Variants in TIGD3 observed in about 807,000 individuals in gnomAD.
TIGD3 encodes the protein tigger transposable element derived 3, also known as tigger transposable element-derived protein 3.
TIGD3 carries 7 observed loss-of-function variants against 14.8 expected under a neutral mutation model. The ratio of observed to expected loss-of-function variants is 0.47; its 90% confidence interval spans 0.27 to 0.89. TIGD3 has a LOEUF of 0.89. Among genes scored for constraint, TIGD3 ranks in the 40% least tolerant of loss-of-function variants. The pLI is 0.13. For missense variants in TIGD3, 581 were observed against 611.0 expected (o/e 0.95, Z 0.52); for synonymous variants, 243 against 269.4 (o/e 0.90, Z 0.96).
chr11:65,356,946 A>G lies in TIGD3; in HGVS notation c.1138A>G (p.Met380Val), dbSNP rs1295341163. 5.0e-6 allele frequency: 8 copies of G among 1,614,020 alleles called. No individual in the cohort carries two copies. The South Asian group carries it at 7.7e-5, about 16-fold the overall frequency. ...CCCGTCCTCGCACAAAACCTCTGAG[A>G]TGCCACCAGTCCCCGGCGGGCTGAG... is the stretch of plus-strand genomic sequence containing the variant. ...TPPSSHKTSE[M>V]PPVPGGLSLE... Residue 380 changes from methionine (M) to valine (V), a missense_variant, in exon 2 of 2, where the codon ATG (methionine) becomes GTG (valine). Transcript: ENST00000309880. This position sits in a 1 kb window ranked among gnomAD's most constrained non-coding sequence, Gnocchi z 5.2.
At chr11:65,355,678 G>T in intron 1 of TIGD3, 115 bp from the exon 2 acceptor site, 1 of 893,338 alleles carries the variant, frequency 1.1e-6, no homozygotes, top group Non-Finnish European at 1.7e-6. Flanking sequence ...AGCGGGTCCA[G>T]TCTCACCCGG....
At position 65,356,936 on chromosome 11, in the gene TIGD3, A is replaced by T. The variant is rs760896275; in HGVS notation, c.1128A>T (p.Lys376Asn). ...GCAAAACGCCCCCGTCCTCGCACAA[A>T]ACCTCTGAGATGCCACCAGTCCCCG... ...APGKTPPSSH[K>N]TSEMPPVPGG... The change falls in exon 2 of 2, where the codon AAA becomes AAT. Residue 376 changes from lysine to asparagine, a missense_variant. By Grantham distance (94) the Lys-to-Asn change is moderately conservative (BLOSUM62 0). Coordinates refer to ENST00000309880, the MANE Select transcript of TIGD3 (RefSeq NM_145719.3). This position sits in a 1 kb window ranked among gnomAD's most constrained non-coding sequence, Gnocchi z 5.2. The T allele has an allele frequency of 6.2e-7, 1 of 1,614,108 alleles. No individual in the cohort carries two copies. Among genetic ancestry groups the T allele is most frequent in the African/African-American group, 1.3e-5 (1 of 75,062 alleles).
chr11:65,356,233 C>T lies in TIGD3; in HGVS notation c.425C>T (p.Ala142Val), dbSNP rs750159692. ...NVGFGARHVL[A>V]PSFPPEPPPP... Reference sequence around the variant, plus strand: ...GGCTTTGGGGCCCGCCATGTTCTTGCGCCTTCATTCCCCCCTGAGCCACCT... The same window carrying T: ...GGCTTTGGGGCCCGCCATGTTCTTGTGCCTTCATTCCCCCCTGAGCCACCT... The change falls in exon 2 of 2, where the codon GCG becomes GTG. Residue 142 changes from alanine (A) to valine (V), a missense_variant. Physicochemically the swap from Ala to Val is moderately conservative, Grantham distance 64. Coordinates refer to ENST00000309880, the MANE Select transcript of TIGD3 (RefSeq NM_145719.3). The surrounding 1 kb of genome is among the most constrained non-coding windows in gnomAD (Gnocchi z 5.2). The T allele has an allele frequency of 2.5e-6, 4 of 1,613,154 alleles. No homozygotes were observed. Among genetic ancestry groups the T allele is most frequent in the South Asian group, 2.2e-5 (2 of 91,092 alleles).
Position 65,357,496 on chromosome 11 carries a change from G to T in TIGD3, c.*272G>T, listed in dbSNP as rs1309134335. The T allele has an allele frequency of 9.7e-6, 4 of 413,470 alleles. No homozygotes were observed. Among genetic ancestry groups the T allele is most frequent in the South Asian group, 3.0e-5 (1 of 33,032 alleles). 25.6% of individuals were successfully genotyped at this position (413,470 alleles called of 1,614,324 possible). A position where few individuals can be genotyped will look rare whatever the true frequency, so the allele number is the denominator to read the frequency against. ...AAAGTTCTAGAGCCTTTGAAAGGGA[G>T]TTAGTCTAGAGGCAGCCACTTAGAA... On this transcript the variant is annotated 3_prime_UTR_variant, in exon 2 of 2. Transcript: ENST00000309880.
Position 65,356,298 on chromosome 11 carries a change from C to T in TIGD3, c.490C>T (p.Leu164=), listed in dbSNP as rs774580152. 7.2e-5 allele frequency: 116 copies of T among 1,612,738 alleles called. No homozygotes were observed. The highest frequency in any genetic ancestry group is 9.2e-5 in the Non-Finnish European group (109 of 1,180,046). The change falls in exon 2 of 2, where the codon CTA becomes TTA. Residue 164 remains leucine, a synonymous_variant. Coordinates refer to ENST00000309880, the MANE Select transcript of TIGD3 (RefSeq NM_145719.3). This position sits in a 1 kb window ranked among gnomAD's most constrained non-coding sequence, Gnocchi z 5.2. ...ATCCCAGGCTCAGCTGCCTCTTTCC[C>T]TAAAAGACTTCTCTCCAGAGGACGT... ...LTSQAQLPLS[L]KDFSPEDVFG...
intron 1 of TIGD3, among the ~76,000 whole-genome samples, chr11:65,355,178 C>G (rs1854830238): frequency 6.6e-6 from 1 of 152,066 alleles, no homozygotes; most frequent in Admixed American, 6.5e-5. Flanking sequence ...GCCTCCCGCC[C>G]TTTGTCGCTC....
rs143824356 is a variant in TIGD3, at chr11:65,357,079, C to G, written c.1271C>G (p.Ala424Gly). Reference sequence around the variant, plus strand: ...GACGAGAAGGGGGACAGAGAGGGTGCCTTTGAGCCCCTGCCCACCAAAGCT... The same window carrying G: ...GACGAGAAGGGGGACAGAGAGGGTGGCTTTGAGCCCCTGCCCACCAAAGCT... ...TEDEKGDREGAFEPLPTKADA... is the reference protein window; with the variant it reads ...TEDEKGDREGGFEPLPTKADA... The change falls in exon 2 of 2, where the codon GCC (alanine) becomes GGC (glycine). Residue 424 changes from alanine (A) to glycine (G), a missense_variant. Transcript: ENST00000309880. 1.5e-5 allele frequency: 25 copies of G among 1,613,408 alleles called. No homozygotes were observed. Among genetic ancestry groups the G allele is most frequent in the Admixed American group, 8.3e-5 (5 of 59,964 alleles).
At position 65,356,861 on chromosome 11, in the gene TIGD3, G is replaced by A. The variant is rs746477984; in HGVS notation, c.1053G>A (p.Val351=). The change falls in exon 2 of 2, where the codon GTG becomes GTA. Residue 351 remains valine, a synonymous_variant. Coordinates refer to ENST00000309880, the MANE Select transcript of TIGD3 (RefSeq NM_145719.3). The surrounding 1 kb of genome is among the most constrained non-coding windows in gnomAD (Gnocchi z 5.2). ...TGGCGTCTGCCGCCTGGGCCAAGGTGCCTCCTCAGCTCATTTTCAGCAGCT... is the reference window on the plus strand; with the variant it reads ...TGGCGTCTGCCGCCTGGGCCAAGGTACCTCCTCAGCTCATTTTCAGCAGCT... ...LHVASAAWAK[V]PPQLIFSSFI... The A allele has an allele frequency of 6.2e-7, 1 of 1,613,522 alleles. No homozygotes were observed. Among genetic ancestry groups the A allele is most frequent in the South Asian group, 1.1e-5 (1 of 91,092 alleles).
Position 65,356,062 on chromosome 11 carries a change from G to A in TIGD3, c.254G>A (p.Cys85Tyr), listed in dbSNP as rs1312432952. ...AGCGGGATCGACGAGGCTCTGCTCT[G>A]CTGGTACCACATTGCCCGGGCCAAG... is the stretch of plus-strand genomic sequence containing the variant. ...KYSGIDEALLCWYHIARAKAW... is the reference protein window; with the variant it reads ...KYSGIDEALLYWYHIARAKAW... Residue 85 changes from cysteine to tyrosine, a missense_variant, in exon 2 of 2, where the codon TGC becomes TAC. Cys to Tyr is a radical substitution (Grantham distance 194). Transcript: ENST00000309880. The surrounding 1 kb of genome is among the most constrained non-coding windows in gnomAD (Gnocchi z 5.2). The A allele has an allele frequency of 6.2e-7, 1 of 1,612,394 alleles. No homozygotes were observed. The highest frequency in any genetic ancestry group is 8.5e-7 in the Non-Finnish European group (1 of 1,180,032).
Position 65,355,984 on chromosome 11 carries a change from G to A in TIGD3, c.176G>A (p.Trp59Ter), listed in dbSNP as rs746158899. 91 of 1,613,740 alleles carry A rather than the reference G, an allele frequency of 5.6e-5. No individual in the cohort carries two copies. Among genetic ancestry groups the A allele is most frequent in the Non-Finnish European group, 7.5e-5 (88 of 1,180,060 alleles). Residue 59 changes from tryptophan (W) to a stop codon, truncating the protein, a stop_gained, in exon 2 of 2, where the codon TGG becomes TAG. Transcript: ENST00000309880. LOFTEE classifies it high-confidence loss of function. ...CKNKEKLLADWCSGTANRERK... is the reference protein window; with the variant it reads ...CKNKEKLLAD The stretch of plus-strand genomic sequence containing the variant: ...AATAAGGAGAAGCTGCTGGCGGACT[G>A]GTGCAGCGGCACAGCCAACCGAGAG...
In TIGD3 at chr11:65,355,729, G is replaced by C. The variant is rs931957200; in HGVS notation, c.-16-64G>C. Reference sequence around the variant, plus strand: ...TCATCTAATCTCTTTTCCCTCCTGCGCTCCTTTCCTAGCTCTTCCGGCCTC... The same window carrying C: ...TCATCTAATCTCTTTTCCCTCCTGCCCTCCTTTCCTAGCTCTTCCGGCCTC... On this transcript the variant is annotated intron_variant, in intron 1 of 1. Transcript: ENST00000309880. The C allele has an allele frequency of 3.5e-5, 48 of 1,358,158 alleles. No homozygotes were observed. The African/African-American group carries it at 6.0e-4, about 17-fold the overall frequency. 84.1% of individuals were successfully genotyped at this position (1,358,158 alleles called of 1,614,324 possible).
chr11:65,356,326 T>G lies in TIGD3; in HGVS notation c.518T>G (p.Phe173Cys), dbSNP rs752190682. ...AAAGACTTCTCTCCAGAGGACGTGT[T>G]TGGCTGTGCTGAATTGCCCTTGCTG... ...SLKDFSPEDVFGCAELPLLYR... is the reference protein window; with the variant it reads ...SLKDFSPEDVCGCAELPLLYR... The change falls in exon 2 of 2, where the codon TTT becomes TGT. Residue 173 changes from phenylalanine (F) to cysteine (C), a missense_variant. By Grantham distance (205) the Phe-to-Cys change is radical (BLOSUM62 -2). Coordinates refer to ENST00000309880, the MANE Select transcript of TIGD3 (RefSeq NM_145719.3). This position sits in a 1 kb window ranked among gnomAD's most constrained non-coding sequence, Gnocchi z 5.2. 6 of 1,612,396 alleles carry G rather than the reference T, an allele frequency of 3.7e-6. No individual in the cohort carries two copies. In the South Asian group the frequency reaches 5.5e-5, roughly 15 times the overall value.
chr11:65,355,777 T>A lies in TIGD3; in HGVS notation c.-16-16T>A. ...CTCAGATTACTCTACCCGCTCAATC[T>A]TTCCTCCCCGCACAGGTGCCCCGGA... On this transcript the variant is annotated splice_polypyrimidine_tract_variant and intron_variant, in intron 1 of 1. Transcript: ENST00000309880. 1 of 1,577,942 alleles carries A rather than the reference T, an allele frequency of 6.3e-7. No individual in the cohort carries two copies. The highest frequency in any genetic ancestry group is 1.9e-5 in the Admixed American group (1 of 53,808).
rs1471195691 is a variant in TIGD3, at chr11:65,354,790, A to G, written c.-184A>G. The G allele has an allele frequency of 4.7e-5, 7 of 147,650 alleles. 1 individual carries two copies. In the East Asian group the frequency reaches 1.0e-3, roughly 22 times the overall value. 9.1% of individuals were successfully genotyped at this position (147,650 alleles called of 1,614,324 possible). The stretch of plus-strand genomic sequence containing the variant: ...GCCCGGCGCGGGCGGCGCGCACGGG[A>G]CTCTGCTGTGCGCGCGCCCGCCCGC... On this transcript the variant is annotated 5_prime_UTR_variant, in exon 1 of 2. Transcript: ENST00000309880.
Position 65,356,674 on chromosome 11 carries a change from C to T in TIGD3, c.866C>T (p.Ala289Val), listed in dbSNP as rs1854859678. The change falls in exon 2 of 2, where the codon GCC becomes GTC. Residue 289 changes from alanine to valine, a missense_variant. By Grantham distance (64) the Ala-to-Val change is moderately conservative. Coordinates refer to ENST00000309880, the MANE Select transcript of TIGD3 (RefSeq NM_145719.3). This position sits in a 1 kb window ranked among gnomAD's most constrained non-coding sequence, Gnocchi z 5.2. ...LYHVKLLPLA[A>V]SSTTPPLPSS... Reference sequence around the variant, plus strand: ...CACGTGAAGCTCTTGCCTCTGGCCGCCTCTAGCACCACGCCTCCCCTGCCC... The same window carrying T: ...CACGTGAAGCTCTTGCCTCTGGCCGTCTCTAGCACCACGCCTCCCCTGCCC... 1 of 1,613,300 alleles carries T rather than the reference C, an allele frequency of 6.2e-7. No individual in the cohort carries two copies. Among genetic ancestry groups the T allele is most frequent in the Non-Finnish European group, 8.5e-7 (1 of 1,180,008 alleles).
rs1854844531 is a variant in TIGD3 at position 65,355,936 on chromosome 11, C to T, written c.128C>T (p.Pro43Leu). 2 of 1,613,768 alleles carry T rather than the reference C, an allele frequency of 1.2e-6. No homozygotes were observed. The highest frequency in any genetic ancestry group is 1.7e-6 in the Non-Finnish European group (2 of 1,180,040). Residue 43 changes from proline to leucine, a missense_variant, in exon 2 of 2, where the codon CCC becomes CTC. Physicochemically the swap from Pro to Leu is moderately conservative, Grantham distance 98. Coordinates refer to ENST00000309880, the MANE Select transcript of TIGD3 (RefSeq NM_145719.3). ...GCCCGGCGCTTCCAGGTTTCCCAGC[C>T]CCAGATCTCGCGCATCTGCAAGAAT... Reference protein sequence around the residue: ...EVARRFQVSQPQISRICKNKE... With the variant: ...EVARRFQVSQLQISRICKNKE...
rs988458620 is a variant in TIGD3 at position 65,354,768 on chromosome 11, C to T, written c.-206C>T. On this transcript the variant is annotated 5_prime_UTR_variant, in exon 1 of 2. Transcript: ENST00000309880. Reference sequence around the variant, plus strand: ...CGGACTTCGCAGCCGGGAGAGAGCCCGGCGCGGGCGGCGCGCACGGGACTC... The same window carrying T: ...CGGACTTCGCAGCCGGGAGAGAGCCTGGCGCGGGCGGCGCGCACGGGACTC... The T allele has an allele frequency of 1.3e-5, 2 of 150,778 alleles. No homozygotes were observed. The highest frequency in any genetic ancestry group is 2.4e-5 in the African/African-American group (1 of 41,230). 9.3% of individuals were successfully genotyped at this position (150,778 alleles called of 1,614,324 possible). A position where few individuals can be genotyped will look rare whatever the true frequency, so the allele number is the denominator to read the frequency against.
rs771125640 is a variant in TIGD3, at chr11:65,355,930, C to T, written c.122C>T (p.Ser41Phe). The T allele has an allele frequency of 1.2e-6, 2 of 1,613,950 alleles. No individual in the cohort carries two copies. The highest frequency in any genetic ancestry group is 1.1e-5 in the South Asian group (1 of 91,084). ...GAGGTGGCCCGGCGCTTCCAGGTTT[C>T]CCAGCCCCAGATCTCGCGCATCTGC... ...QSEVARRFQV[S>F]QPQISRICKN... The change falls in exon 2 of 2, where the codon TCC becomes TTC. Residue 41 changes from serine (S) to phenylalanine (F), a missense_variant. Physicochemically the swap from Ser to Phe is radical, Grantham distance 155. Coordinates refer to ENST00000309880, the MANE Select transcript of TIGD3 (RefSeq NM_145719.3).
In TIGD3 at chr11:65,356,434, GGC is replaced by G. The variant is rs763412880; in HGVS notation, c.628_629del (p.Arg210GlyfsTer19). On this transcript the variant is annotated frameshift_variant, in exon 2 of 2. Transcript: ENST00000309880. LOFTEE classifies it high-confidence loss of function. The surrounding 1 kb of genome is among the most constrained non-coding windows in gnomAD (Gnocchi z 5.2). ...GCCAACAGCAGGGGCACCGAGAAGCGGCGGGTACTGCTGGGTGGGCTCCAGGC... is the reference window on the plus strand; with the variant it reads ...GCCAACAGCAGGGGCACCGAGAAGCGGGGTACTGCTGGGTGGGCTCCAGGC... The G allele has an allele frequency of 1.2e-6, 2 of 1,609,290 alleles. No homozygotes were observed. Among genetic ancestry groups the G allele is most frequent in the Non-Finnish European group, 1.7e-6 (2 of 1,179,982 alleles).
Sources: allele counts gnomAD v4.1 joint callset (sites outside exome capture counted in the v4.1 genomes callset), GRCh38; gene constraint gnomAD v4.1.1; non-coding constraint Gnocchi (gnomAD v3.1); transcripts MANE v1.5; gene names NCBI Gene and HGNC (gene_info 2026-07-23, HGNC 2026-07-21).